Variants in CUX1 observed in about 807,000 individuals in gnomAD.
CUX1 encodes the protein protein CASP.
Under a neutral mutation model 158.8 loss-of-function variants are expected in CUX1, and 31 were observed. The ratio of observed to expected loss-of-function variants is 0.20; its 90% CI spans 0.15 to 0.26. The LOEUF is 0.26. Among genes scored for constraint, CUX1 ranks in the 10% least tolerant of loss-of-function variants. The pLI is 1.00. For synonymous variants in CUX1, 879 were observed against 862.1 expected (o/e 1.02, Z -0.34); for missense variants, 1,589 against 2,014.6 (o/e 0.79, Z 4.04).
At chr7:101,986,233 C>T (rs1227392870) in intron 2 of CUX1, among the ~76,000 whole-genome samples, 1 of 152,206 alleles carries the variant, frequency 6.6e-6, no homozygotes, top group African/African-American at 2.4e-5. Flanking sequence ...GTCGGATCTT[C>T]ATATTTTTGT....
chr7:101,987,305 A>G (rs1814440062), intron 2 of CUX1, among the ~76,000 whole-genome samples: 3 of 151,992 alleles, frequency 2.0e-5, no homozygotes, highest in Admixed American at 2.0e-4. Flanking sequence ...CTAATGTGGA[A>G]CTCCCCAAGC....
intron 20 of CUX1, among the ~76,000 whole-genome samples, chr7:102,223,811 A>T (rs1798069448): frequency 1.3e-5 from 2 of 152,140 alleles, no homozygotes; most frequent in Admixed American, 1.3e-4. Context: ...TCTACTAAAA[A>T]TACAAAAATT....
chr7:101,903,803 G>A (rs1002802269), intron 1 of CUX1, among the ~76,000 whole-genome samples: 8 of 152,034 alleles, frequency 5.3e-5, no homozygotes, highest in African/African-American at 7.2e-5. Context: ...TTTCATCTTC[G>A]CAGAGTGGGT....
At chr7:102,151,746 A>G (rs1378358757) in intron 8 of CUX1, among the ~76,000 whole-genome samples, 1 of 149,136 alleles carries the variant, frequency 6.7e-6, no homozygotes, top group Non-Finnish European at 1.5e-5. Context: ...AAAAAAAAAA[A>G]AAAAAAAAAA....
chr7:102,226,346 G>C (rs1258477181), intron 20 of CUX1, among the ~76,000 whole-genome samples: 1 of 152,200 alleles, frequency 6.6e-6, no homozygotes, highest in African/African-American at 2.4e-5. Context: ...TAAAATGGAA[G>C]AGCTGGGGAA....
intron 4 of CUX1, among the ~76,000 whole-genome samples, chr7:102,073,076 C>T (rs576467770): frequency 2.7e-5 from 4 of 150,510 alleles, no homozygotes; most frequent in Non-Finnish European, 4.4e-5. Context: ...GTGATTTAGT[C>T]GGAAGAAGAC....
At chr7:102,178,276 T>A (rs1331455977) in intron 10 of CUX1, among the ~76,000 whole-genome samples, 193 bp from the exon 11 acceptor site, 1 of 152,162 alleles carries the variant, frequency 6.6e-6, no homozygotes. Context: ...AGTGAATGAA[T>A]CGAGGTGGCA....
chr7:102,200,669 G>A (rs1293772169), intron 17 of CUX1, among the ~76,000 whole-genome samples: 4 of 151,442 alleles, frequency 2.6e-5, no homozygotes, highest in South Asian at 2.1e-4. Flanking sequence ...CAGAAATTAC[G>A]CTCCTTAACT....
chr7:102,211,911 C>T (rs934735737), intron 20 of CUX1, among the ~76,000 whole-genome samples: 3 of 152,052 alleles, frequency 2.0e-5, no homozygotes, highest in Admixed American at 2.0e-4. Context: ...CGGGAAGTCC[C>T]GGCTGATGAG....
At chr7:102,282,102 C>G (rs1554549479) in intron 21 of CUX1, among the ~76,000 whole-genome samples, 2 of 152,154 alleles carry the variant, frequency 1.3e-5, no homozygotes, top group Non-Finnish European at 2.9e-5. Context: ...AAGGACCCAC[C>G]CCATTGGGAC....
At chr7:102,271,405 C>T (rs1293330985) in intron 14 of CUX1, among the ~76,000 whole-genome samples, 1 of 152,178 alleles carries the variant, frequency 6.6e-6, no homozygotes, top group Non-Finnish European at 1.5e-5. Flanking sequence ...TGGTGGTTTC[C>T]TCTCCCTACA....
rs2132697967 is a variant in CUX1, at chr7:102,256,061, A to C, written c.*7019A>C. On this transcript the variant is annotated 3_prime_UTR_variant, in exon 24 of 24. Transcript: ENST00000292535. ...ACCGAAGGGAAAACAGGCCTCCCCG[A>C]CTCCCTCCAGTCTCCCAGCCTGCCT... The C allele has an allele frequency of 1.0e-6, 1 of 985,074 alleles. No homozygotes were observed. The highest frequency in any genetic ancestry group is 4.7e-5 in the South Asian group (1 of 21,250). The allele number at this position is 985,074 out of a possible 1,614,324, so 61.0% of individuals were successfully genotyped here.
At chr7:101,939,824 G>A (rs1028904834) in intron 2 of CUX1, among the ~76,000 whole-genome samples, 10 of 151,862 alleles carry the variant, frequency 6.6e-5, no homozygotes, top group Non-Finnish European at 1.0e-4. Context: ...GGGGCTGAGC[G>A]CGGTAGCTCA....
At position 102,103,417 on chromosome 7, in the gene CUX1, T is replaced by TTC. The variant is rs534006579; in HGVS notation, c.407-902_407-901dup. Among the ~76,000 whole-genome samples, 60 of 146,358 alleles carry TTC rather than the reference T, an allele frequency of 4.1e-4. 1 individual carries two copies. The highest frequency in any genetic ancestry group is 3.1e-3 in the South Asian group (14 of 4,548). ...TCCCTCTCTTTCTTTTGCTCTCCGT[T>TTC]TCTCTCTCTCTCTCTCTCACTCACT... On this transcript the variant is annotated intron_variant, in intron 5 of 23. Transcript: ENST00000292535.
chr7:101,873,906 A>G (rs541511875), intron 1 of CUX1, among the ~76,000 whole-genome samples: 2 of 152,296 alleles, frequency 1.3e-5, no homozygotes, highest in East Asian at 3.9e-4. Context: ...TTGATAGAAT[A>G]ATATAGGTAC....
At chr7:101,918,944 C>T (rs1285358034) in intron 2 of CUX1, among the ~76,000 whole-genome samples, 1 of 152,150 alleles carries the variant, frequency 6.6e-6, no homozygotes, top group African/African-American at 2.4e-5. Context: ...CACCACCACA[C>T]CCAGCTAATT....
At chr7:101,876,899 C>T (rs1251127506) in intron 1 of CUX1, among the ~76,000 whole-genome samples, 4 of 144,660 alleles carry the variant, frequency 2.8e-5, no homozygotes, top group Admixed American at 7.4e-5. Context: ...CAGGCGTGAG[C>T]CACCGCACCC....
At chr7:102,281,943 C>T (rs781811379) in intron 21 of CUX1, 4 of 1,544,876 alleles carry the variant, frequency 2.6e-6, no homozygotes, top group Non-Finnish European at 3.6e-6. Context: ...ACGGGCGGGC[C>T]AGAGGCACAT....
At chr7:102,143,580 T>C (rs60795390) in intron 8 of CUX1, among the ~76,000 whole-genome samples, 10,390 of 151,798 alleles carry the variant, frequency 0.068, 491 homozygotes, top group African/African-American at 0.13. Flanking sequence ...GCCCAATCAT[T>C]TTCTGTGTCA....
Sources: allele counts gnomAD v4.1 joint callset (sites outside exome capture counted in the v4.1 genomes callset), GRCh38; gene constraint gnomAD v4.1.1; transcripts MANE v1.5; gene names NCBI Gene and HGNC (gene_info 2026-07-23, HGNC 2026-07-21).